Variants in TMEM132D observed in about 807,000 individuals in gnomAD.
TMEM132D encodes the protein mature OL transmembrane protein.
TMEM132D carries 21 observed loss-of-function variants against 62.3 expected under a neutral mutation model. That is an observed-to-expected ratio of 0.34 (90% confidence interval 0.24 to 0.49). TMEM132D has a LOEUF of 0.49. Ranked by LOEUF, TMEM132D falls within the 20% of genes least tolerant of loss-of-function variation. The pLI, the probability that TMEM132D is intolerant of heterozygous loss-of-function variation, is 0.99. For missense variants in TMEM132D, 1,346 were observed against 1,402.8 expected (o/e 0.96, Z 0.65); for synonymous variants, 621 against 575.6 (o/e 1.08, Z -1.13).
intron 5 of TMEM132D, among the ~76,000 whole-genome samples, chr12:129,191,292 G>GACACACACACACACACAC (rs56128227): frequency 6.9e-6 from 1 of 145,132 alleles, no homozygotes; most frequent in African/African-American, 2.6e-5. Flanking sequence ...AGGGAAATAG[G>GACACACACACACACACAC]ACACACACAC....
chr12:129,700,789 G>A lies in TMEM132D; in HGVS notation c.80-91C>T, dbSNP rs546958356. The A allele has an allele frequency of 1.9e-4, 264 of 1,425,654 alleles. 1 individual carries two copies. Among genetic ancestry groups the A allele is most frequent in the Non-Finnish European group, 1.8e-5 (19 of 1,073,208 alleles). The allele number at this position is 1,425,654 out of a possible 1,614,324, so 88.3% of individuals were successfully genotyped here. On this transcript the variant is annotated intron_variant, in intron 1 of 8. Coordinates refer to ENST00000422113, the MANE Select transcript of TMEM132D (RefSeq NM_133448.3). ...ATCTGCGTGCCCCCTTCATAACAGA[G>A]GACCCTGTCTTCGCGCCAATTATGC...
rs78053220 is a variant in TMEM132D at position 129,486,094 on chromosome 12, C to T, written c.1115+44965G>A. ...AGGTGGAAAATGTAGAGGAACCAAG[C>T]TCGTGGGAGCCACCTTCCATGGAAG... is the stretch of plus-strand genomic sequence containing the variant. On this transcript the variant is annotated intron_variant, in intron 3 of 8. Transcript: ENST00000422113. Among the ~76,000 whole-genome samples the T allele has an allele frequency of 4.8e-4, 73 of 152,254 alleles. No homozygotes were observed. The South Asian group carries it at 9.8e-3, about 20-fold the overall frequency.
chr12:129,898,172 G>A lies in TMEM132D; in HGVS notation c.79+5089C>T, dbSNP rs538520124. Among the ~76,000 whole-genome samples the A allele has an allele frequency of 7.8e-4, 118 of 152,136 alleles. No homozygotes were observed. The South Asian group carries it at 0.024, about 31-fold the overall frequency. On this transcript the variant is annotated intron_variant, in intron 1 of 8. Transcript: ENST00000422113. ...TATTATTGACCAAAGTATTTCCTGC[G>A]GCGCTCTGAATTACTGGAAAAGGCA...
At chr12:129,492,576 G>T (rs1178369305) in intron 3 of TMEM132D, among the ~76,000 whole-genome samples, 1 of 152,088 alleles carries the variant, frequency 6.6e-6, no homozygotes, top group East Asian at 1.9e-4. Context: ...ATTTTTTGCT[G>T]CTTTGCTCAT....
At chr12:129,471,248 C>G (rs576341249) in intron 3 of TMEM132D, among the ~76,000 whole-genome samples, 40 of 150,208 alleles carry the variant, frequency 2.7e-4, no homozygotes, top group Non-Finnish European at 4.7e-4. Context: ...TTTATGGCAA[C>G]CCTGCATTGA....
chr12:129,232,978 T>C (rs2135579678), intron 4 of TMEM132D, among the ~76,000 whole-genome samples: 1 of 152,262 alleles, frequency 6.6e-6, no homozygotes, highest in Non-Finnish European at 1.5e-5. Context: ...TCCTCTGACA[T>C]GCAGGGATTA....
chr12:129,085,336 C>G (rs1298290858), intron 5 of TMEM132D: 1 of 152,536 alleles, frequency 6.6e-6, no homozygotes, highest in Non-Finnish European at 1.5e-5. Flanking sequence ...GAGGCCCGTC[C>G]TGCAGAGTTC....
intron 2 of TMEM132D, among the ~76,000 whole-genome samples, chr12:129,670,779 C>G (rs1880484300): frequency 1.3e-5 from 2 of 152,272 alleles, no homozygotes; most frequent in African/African-American, 4.8e-5. Flanking sequence ...ACAAAACCAA[C>G]TCTATAAAGA....
At chr12:129,691,446 A>G (rs1881058148) in intron 2 of TMEM132D, among the ~76,000 whole-genome samples, 1 of 152,078 alleles carries the variant, frequency 6.6e-6, no homozygotes. Context: ...TCAGGCTAAC[A>G]AGGAAAAAGG....
intron 3 of TMEM132D, among the ~76,000 whole-genome samples, chr12:129,372,111 G>C (rs1870621233): frequency 1.3e-5 from 2 of 152,198 alleles, no homozygotes; most frequent in South Asian, 4.1e-4. Flanking sequence ...TTACCAGGGT[G>C]GGTGGGCAAC....
intron 5 of TMEM132D, among the ~76,000 whole-genome samples, chr12:129,086,192 A>ACGCG (rs72306602): frequency 1.4e-4 from 18 of 130,186 alleles, no homozygotes; most frequent in African/African-American, 4.9e-4. Flanking sequence ...TCACATAGTC[A>ACGCG]CGCGCGCGCG....
At chr12:129,724,911 G>A (rs1868976975) in intron 1 of TMEM132D, among the ~76,000 whole-genome samples, 1 of 152,192 alleles carries the variant, frequency 6.6e-6, no homozygotes, top group South Asian at 2.1e-4. Flanking sequence ...AGATAGCATT[G>A]TGAAGTCTCC....
intron 1 of TMEM132D, among the ~76,000 whole-genome samples, chr12:129,901,429 T>C (rs918023950): frequency 1.3e-5 from 2 of 152,238 alleles, no homozygotes; most frequent in African/African-American, 4.8e-5. Context: ...TCCTGAATCA[T>C]CTACCATGTG....
At chr12:129,364,415 A>G (rs1461676088) in intron 3 of TMEM132D, among the ~76,000 whole-genome samples, 1 of 152,240 alleles carries the variant, frequency 6.6e-6, no homozygotes, top group African/African-American at 2.4e-5. Context: ...AGGCAGTCCT[A>G]GCACTCGCAG....
chr12:129,378,052 T>C (rs1870834597), intron 3 of TMEM132D, among the ~76,000 whole-genome samples: 1 of 152,232 alleles, frequency 6.6e-6, no homozygotes, highest in African/African-American at 2.4e-5. Context: ...ATGAACAAAG[T>C]CCTGAAATTT....
chr12:129,560,640 C>A (rs1475878407), intron 2 of TMEM132D, among the ~76,000 whole-genome samples: 2 of 152,182 alleles, frequency 1.3e-5, no homozygotes, highest in Admixed American at 6.5e-5. Flanking sequence ...AAGAGCTTAA[C>A]ACCCAGGTAG....
intron 1 of TMEM132D, among the ~76,000 whole-genome samples, chr12:129,757,851 C>A (rs1870220736): frequency 6.6e-6 from 1 of 152,138 alleles, no homozygotes; most frequent in African/African-American, 2.4e-5. Flanking sequence ...TGCTGACCTG[C>A]CCCTCAGCTC....
chr12:129,389,323 T>G (rs1264769318), intron 3 of TMEM132D, among the ~76,000 whole-genome samples: 1 of 151,760 alleles, frequency 6.6e-6, no homozygotes, highest in Non-Finnish European at 1.5e-5. Flanking sequence ...ACACTAATAT[T>G]AACACAAGTA....
At chr12:129,233,523 G>T (rs975868458) in intron 4 of TMEM132D, among the ~76,000 whole-genome samples, 1 of 152,200 alleles carries the variant, frequency 6.6e-6, no homozygotes, top group Non-Finnish European at 1.5e-5. Flanking sequence ...TATGTTGGAG[G>T]AAGTCTGAAA....
Sources: gnomAD v4.1 joint callset for allele counts (sites outside exome capture counted in the v4.1 genomes callset) on GRCh38, gnomAD v4.1.1 for gene constraint, MANE v1.5 for transcripts, NCBI Gene and HGNC (gene_info 2026-07-23, HGNC 2026-07-21) for gene names.